The following DNM3 variants were observed in gnomAD, a reference collection of about 807,000 sequenced individuals.
The protein encoded by DNM3 is dynamin 3.
DNM3 carries 47 observed loss-of-function variants against 101.6 expected under a neutral mutation model. That is an observed-to-expected ratio of 0.46 (90% CI 0.37 to 0.59). The LOEUF is 0.59. Among genes scored for constraint, DNM3 ranks in the 20% least tolerant of loss-of-function variants. DNM3 has a pLI of 0.00. For missense variants in DNM3, 849 were observed against 1,085.7 expected (o/e 0.78, Z 3.06); for synonymous variants, 385 against 387.9 (o/e 0.99, Z 0.09).
At chr1:172,298,698 G>T (rs547719466) in intron 15 of DNM3, among the ~76,000 whole-genome samples, 26 of 152,118 alleles carry the variant, frequency 1.7e-4, no homozygotes, top group Admixed American at 8.5e-4. Context: ...CATCTTCCCG[G>T]AATCCCCAGG....
chr1:172,373,505 G>A (rs940529679), intron 17 of DNM3, among the ~76,000 whole-genome samples: 1 of 152,046 alleles, frequency 6.6e-6, no homozygotes, highest in African/African-American at 2.4e-5. Context: ...ATACAGAATT[G>A]TTTCAAATAA....
At chr1:171,953,837 T>A (rs867272887) in intron 2 of DNM3, among the ~76,000 whole-genome samples, 18 of 152,228 alleles carry the variant, frequency 1.2e-4, no homozygotes, top group African/African-American at 4.1e-4. Context: ...TTAAAAGAAA[T>A]GCCTTTATAA....
chr1:172,267,643 G>GTT (rs2062916054), intron 15 of DNM3, among the ~76,000 whole-genome samples: 1 of 151,680 alleles, frequency 6.6e-6, no homozygotes, highest in African/African-American at 2.4e-5. Flanking sequence ...ATGCTTTGTA[G>GTT]ATAGCTACAC....
chr1:171,894,717 TA>T (rs2037615076), intron 1 of DNM3, among the ~76,000 whole-genome samples: 1 of 152,216 alleles, frequency 6.6e-6, no homozygotes, highest in Non-Finnish European at 1.5e-5. Context: ...GTATTTCTCC[TA>T]ATGCTATCCC....
intron 15 of DNM3, among the ~76,000 whole-genome samples, chr1:172,308,011 A>C (rs1288011652): frequency 6.6e-6 from 1 of 152,150 alleles, no homozygotes; most frequent in South Asian, 2.1e-4. Context: ...CCTAGAACTT[A>C]AAGTATAATA....
chr1:172,027,484 G>A (rs11497367), intron 4 of DNM3, among the ~76,000 whole-genome samples: 7,269 of 152,102 alleles, frequency 0.048, 185 homozygotes, highest in African/African-American at 0.077. Flanking sequence ...AGGAGGCTCA[G>A]GCAGGAGAAT....
At chr1:172,013,116 A>G (rs1005436042) in intron 4 of DNM3, among the ~76,000 whole-genome samples, 1 of 151,984 alleles carries the variant, frequency 6.6e-6, no homozygotes, top group African/African-American at 2.4e-5. Context: ...TTAACTCTAT[A>G]TTGATTTTTT....
intron 2 of DNM3, among the ~76,000 whole-genome samples, chr1:171,942,484 G>A: frequency 6.6e-6 from 1 of 151,938 alleles, no homozygotes; most frequent in East Asian, 1.9e-4. Context: ...CAGTGCAAAG[G>A]GAAATAATAG....
intron 11 of DNM3, among the ~76,000 whole-genome samples, chr1:172,070,316 G>C (rs1398564393): frequency 6.6e-6 from 1 of 152,084 alleles, no homozygotes; most frequent in African/African-American, 2.4e-5. Context: ...TCTCCCTAAT[G>C]TCTAATGTCT....
intron 14 of DNM3, among the ~76,000 whole-genome samples, chr1:172,162,733 G>C (rs2058588570): frequency 6.6e-6 from 1 of 151,428 alleles, no homozygotes; most frequent in East Asian, 1.9e-4. Flanking sequence ...TTTTTCTTTT[G>C]AATTAAAAAA....
chr1:171,966,968 A>C (rs953108596), intron 2 of DNM3, among the ~76,000 whole-genome samples: 15 of 152,178 alleles, frequency 9.9e-5, no homozygotes, highest in African/African-American at 3.4e-4. Flanking sequence ...AGAGTGGTCG[A>C]ATAGCTCCTA....
chr1:172,020,525 A>C (rs746491857), intron 4 of DNM3, among the ~76,000 whole-genome samples: 7 of 151,710 alleles, frequency 4.6e-5, no homozygotes, highest in Admixed American at 1.3e-4. Context: ...TGGAGACTAT[A>C]CTGGCTAACA....
intron 16 of DNM3, among the ~76,000 whole-genome samples, chr1:172,322,294 T>G (rs2065753484): frequency 6.6e-6 from 1 of 152,120 alleles, no homozygotes; most frequent in South Asian, 2.1e-4. Context: ...TGCACACACT[T>G]TACTCACAGC....
At chr1:171,946,432 A>T (rs2042177663) in intron 2 of DNM3, among the ~76,000 whole-genome samples, 1 of 152,084 alleles carries the variant, frequency 6.6e-6, no homozygotes, top group African/African-American at 2.4e-5. Context: ...TTGGGAGAAC[A>T]TGGGAGATAT....
intron 10 of DNM3, among the ~76,000 whole-genome samples, chr1:172,060,389 G>A (rs1328040260): frequency 1.2e-5 from 1 of 82,518 alleles, no homozygotes; most frequent in Non-Finnish European, 2.3e-5. Context: ...GCATCACCAA[G>A]TCAATCCTAA....
intron 12 of DNM3, among the ~76,000 whole-genome samples, chr1:172,083,155 G>T (rs906600626): frequency 1.3e-5 from 2 of 152,130 alleles, no homozygotes; most frequent in Non-Finnish European, 2.9e-5. Flanking sequence ...TCCTTCTGCA[G>T]ACTCACCTAA....
intron 1 of DNM3, among the ~76,000 whole-genome samples, chr1:171,881,353 T>C (rs914242854): frequency 3.9e-5 from 6 of 152,230 alleles, no homozygotes; most frequent in Admixed American, 3.9e-4. Context: ...ACTTATGATA[T>C]TGGCCCTTCT....
chr1:172,083,660 C>T (rs2053319016), intron 12 of DNM3, among the ~76,000 whole-genome samples: 1 of 152,070 alleles, frequency 6.6e-6, no homozygotes, highest in African/African-American at 2.4e-5. Context: ...TTATATAACC[C>T]GTGCTTCAAT....
intron 17 of DNM3, among the ~76,000 whole-genome samples, chr1:172,372,574 T>A (rs369924313): frequency 3.3e-5 from 5 of 150,706 alleles, no homozygotes; most frequent in East Asian, 3.9e-4. Context: ...TATAAGTGAT[T>A]AAAGAATATT....
Sources: allele counts gnomAD v4.1 joint callset (sites outside exome capture counted in the v4.1 genomes callset), GRCh38; gene constraint gnomAD v4.1.1; transcripts MANE v1.5; gene names NCBI Gene and HGNC (gene_info 2026-07-23, HGNC 2026-07-21).